The following ZMAT4 variants were observed in gnomAD, a reference collection of about 807,000 sequenced individuals.
ZMAT4 encodes zinc finger matrin-type 4.
A neutral mutation model predicts 28.7 loss-of-function variants in ZMAT4; 17 were observed. The ratio of observed to expected loss-of-function variants is 0.59; its 90% CI spans 0.41 to 0.89. ZMAT4 has a LOEUF of 0.89. ZMAT4 is among the 40% of genes least tolerant of loss of function. The pLI, the probability that ZMAT4 is intolerant of heterozygous loss-of-function variation, is 0.00. For synonymous variants in ZMAT4, 117 were observed against 109.2 expected (o/e 1.07, Z -0.44); for missense variants, 240 against 283.8 (o/e 0.85, Z 1.11).
chr8:40,683,163 C>G (rs1378953501), intron 4 of ZMAT4, among the ~76,000 whole-genome samples: 2 of 152,174 alleles, frequency 1.3e-5, no homozygotes, highest in Non-Finnish European at 2.9e-5. Context: ...CATAGTGTAA[C>G]TTACATAAGA....
chr8:40,619,975 T>C (rs1051998771), intron 5 of ZMAT4, among the ~76,000 whole-genome samples: 1 of 152,332 alleles, frequency 6.6e-6, no homozygotes, highest in South Asian at 2.1e-4. Flanking sequence ...AGTGAATCAC[T>C]TATAACAAGG....
At chr8:40,868,875 A>G (rs7829127) in intron 1 of ZMAT4, among the ~76,000 whole-genome samples, 33,463 of 152,190 alleles carry the variant, frequency 0.22, 3,764 homozygotes, top group Admixed American at 0.25. Context: ...CCCCGCCAGA[A>G]GATTCACAAT....
At chr8:40,710,593 C>CA (rs1361457475) in intron 3 of ZMAT4, among the ~76,000 whole-genome samples, 2 of 150,910 alleles carry the variant, frequency 1.3e-5, no homozygotes, top group African/African-American at 4.9e-5. Context: ...GCCATTGCCA[C>CA]AAAAAGAAAC....
At chr8:40,637,631 A>G (rs976867097) in intron 5 of ZMAT4, among the ~76,000 whole-genome samples, 2 of 152,248 alleles carry the variant, frequency 1.3e-5, no homozygotes, top group Non-Finnish European at 1.5e-5. Context: ...TAGAAGCTAC[A>G]GAATAGAAAG....
In ZMAT4 at chr8:40,805,910, G is replaced by A. The variant is rs931151183; in HGVS notation, c.102+19665C>T. ...CACATGTAACTAACCTGCACATTGC[G>A]CACATGTACCCTAAAACTTAAAGTA... On this transcript the variant is annotated intron_variant, in intron 2 of 6. Coordinates refer to ENST00000297737, the MANE Select transcript of ZMAT4 (RefSeq NM_024645.3). 1.1e-4 allele frequency among the ~76,000 whole-genome samples: 17 copies of A among 151,600 alleles called. No homozygotes were observed. In the South Asian group the frequency reaches 1.2e-3, roughly 11 times the overall value.
At position 40,747,680 on chromosome 8, in the gene ZMAT4, G is replaced by A. The variant is rs118015526; in HGVS notation, c.192+19961C>T. Among the ~76,000 whole-genome samples, 9 of 152,252 alleles carry A rather than the reference G, an allele frequency of 5.9e-5. No individual in the cohort carries two copies. The East Asian group carries it at 1.7e-3, about 29-fold the overall frequency. On this transcript the variant is annotated intron_variant, in intron 3 of 6. Transcript: ENST00000297737. ...ACACACTGAAGATCCCTAATTCTTG[G>A]TGTTCAAGACATTGCAGGCCACAAT...
At chr8:40,662,712 T>C (rs1005455284) in intron 5 of ZMAT4, among the ~76,000 whole-genome samples, 3 of 152,212 alleles carry the variant, frequency 2.0e-5, no homozygotes, top group Non-Finnish European at 4.4e-5. Context: ...GATTTGAGAC[T>C]GAACAGAAAT....
At chr8:40,795,971 T>G (rs1563489984) in intron 2 of ZMAT4, among the ~76,000 whole-genome samples, 2 of 152,236 alleles carry the variant, frequency 1.3e-5, no homozygotes, top group Non-Finnish European at 1.5e-5. Flanking sequence ...TTTGTTCTTC[T>G]TTCCCACTTT....
intron 2 of ZMAT4, among the ~76,000 whole-genome samples, chr8:40,798,210 A>G (rs974910713): frequency 1.3e-5 from 2 of 152,198 alleles, no homozygotes; most frequent in Non-Finnish European, 2.9e-5. Context: ...CACACAAACC[A>G]GAGCAGATAT....
intron 1 of ZMAT4, among the ~76,000 whole-genome samples, chr8:40,895,842 C>A (rs956124953): frequency 6.6e-6 from 1 of 152,230 alleles, no homozygotes; most frequent in Admixed American, 6.5e-5. Context: ...AGATCCCCCA[C>A]GTGCTGGGGG....
rs1052462513 is a variant in ZMAT4, at chr8:40,873,494, G to A, written c.-5+24189C>T. Among the ~76,000 whole-genome samples, 5 of 152,238 alleles carry A rather than the reference G, an allele frequency of 3.3e-5. No homozygotes were observed. The East Asian group carries it at 9.7e-4, about 29-fold the overall frequency. ...TGCTCATCCCTCACCCTGGCTTTGG[G>A]GAGTGAAAGACCCCAAAATGGTGCA... On this transcript the variant is annotated intron_variant, in intron 1 of 6. Transcript: ENST00000297737.
intron 1 of ZMAT4, among the ~76,000 whole-genome samples, chr8:40,851,312 G>A (rs1052076508): frequency 2.8e-4 from 43 of 151,974 alleles, no homozygotes; most frequent in Admixed American, 2.2e-3. Context: ...TGAGTGATAA[G>A]AGCGAAATTA....
At chr8:40,758,525 A>G (rs1408140287) in intron 3 of ZMAT4, among the ~76,000 whole-genome samples, 2 of 152,214 alleles carry the variant, frequency 1.3e-5, no homozygotes, top group African/African-American at 4.8e-5. Flanking sequence ...AGGACCCTTA[A>G]CCATTCCTTC....
intron 3 of ZMAT4, among the ~76,000 whole-genome samples, chr8:40,753,954 G>A (rs1434966242): frequency 3.3e-5 from 5 of 152,078 alleles, no homozygotes; most frequent in East Asian, 1.9e-4. Flanking sequence ...TTGGGAGACC[G>A]AGGTGGGCAG....
chr8:40,794,882 G>A (rs892543540), intron 2 of ZMAT4, among the ~76,000 whole-genome samples: 111 of 151,986 alleles, frequency 7.3e-4, no homozygotes, highest in African/African-American at 2.6e-3. Context: ...TACAGGTGGC[G>A]GGGGAGGGTG....
intron 1 of ZMAT4, among the ~76,000 whole-genome samples, chr8:40,850,229 C>A (rs1817052043): frequency 6.6e-6 from 1 of 152,080 alleles, no homozygotes. Flanking sequence ...GCTACCTAGG[C>A]AATGAAAATA....
At chr8:40,658,676 C>CT (rs1340292920) in intron 5 of ZMAT4, among the ~76,000 whole-genome samples, 37 of 147,204 alleles carry the variant, frequency 2.5e-4, no homozygotes, top group Admixed American at 1.9e-3. Context: ...ACACAAAACT[C>CT]TGATTTTCCC....
At chr8:40,639,101 A>C (rs1261635484) in intron 5 of ZMAT4, among the ~76,000 whole-genome samples, 3 of 152,190 alleles carry the variant, frequency 2.0e-5, no homozygotes, top group Non-Finnish European at 4.4e-5. Flanking sequence ...TCTTGGGCTG[A>C]CCTGGCAATG....
At chr8:40,826,471 T>A (rs548643162) in intron 1 of ZMAT4, among the ~76,000 whole-genome samples, 1 of 152,336 alleles carries the variant, frequency 6.6e-6, no homozygotes, top group East Asian at 1.9e-4. Context: ...TCTTCATTTT[T>A]AAATTTTTCT....
Sources: gnomAD v4.1 joint callset for allele counts (sites outside exome capture counted in the v4.1 genomes callset) on GRCh38, gnomAD v4.1.1 for gene constraint, MANE v1.5 for transcripts, NCBI Gene and HGNC (gene_info 2026-07-23, HGNC 2026-07-21) for gene names.